Variants in KCNG4 observed in about 807,000 individuals in gnomAD.
The protein encoded by KCNG4 is voltage-gated potassium channel regulatory subunit KCNG4.
KCNG4 carries 30 observed loss-of-function variants against 28.2 expected under a neutral mutation model. That is an observed-to-expected ratio of 1.06 (90% CI 0.80 to 1.44). The LOEUF is 1.44. Ranked by LOEUF, KCNG4 falls within the 40% of genes most tolerant of loss-of-function variation. KCNG4 has a pLI of 0.00. For synonymous variants in KCNG4, 375 were observed against 315.5 expected (o/e 1.19, Z -2.00); for missense variants, 879 against 712.3 (o/e 1.23, Z -2.66).
intron 2 of KCNG4, chr16:84,236,453 G>A: frequency 2.0e-6 from 1 of 495,830 alleles, no homozygotes; most frequent in East Asian, 3.2e-5. Flanking sequence ...CTGTGTCTGT[G>A]TGGCCCACTG....
At position 84,232,144 on chromosome 16, in the gene KCNG4, T is replaced by C. The variant is rs186124405; in HGVS notation, c.756+4586A>G. 1.6e-4 allele frequency among the ~76,000 whole-genome samples: 24 copies of C among 152,276 alleles called. No individual in the cohort carries two copies. In the East Asian group the frequency reaches 4.4e-3, roughly 28 times the overall value. On this transcript the variant is annotated intron_variant, in intron 2 of 2. Coordinates refer to ENST00000308251, the MANE Select transcript of KCNG4 (RefSeq NM_172347.3). ...TTCCTTGGAGGTGGGGGTCGGTCTT[T>C]GGAACGTGTCTTTCTATCTTCAGCT...
rs12917774 is a variant in KCNG4, at chr16:84,226,582, G to A, written c.757-3562C>T. Among the ~76,000 whole-genome samples the A allele has an allele frequency of 0.11, 16,335 of 151,972 alleles. 1,134 individuals are homozygous for A. Among genetic ancestry groups the A allele is most frequent in the African/African-American group, 0.2 (8,184 of 41,422 alleles). On this transcript the variant is annotated intron_variant, in intron 2 of 2. Coordinates refer to ENST00000308251, the MANE Select transcript of KCNG4 (RefSeq NM_172347.3). This position sits in a 1 kb window ranked among gnomAD's most constrained non-coding sequence, Gnocchi z 4.1. Reference sequence around the variant, plus strand: ...GAGGGGATGGAAAGAGAGGAAACAAGAATGGCAGAATATTGGCTGGGCACA... The same window carrying A: ...GAGGGGATGGAAAGAGAGGAAACAAAAATGGCAGAATATTGGCTGGGCACA...
At chr16:84,237,910 G>C (rs1020697682) in intron 1 of KCNG4, among the ~76,000 whole-genome samples, 4 of 152,098 alleles carry the variant, frequency 2.6e-5, no homozygotes, top group African/African-American at 9.7e-5. Flanking sequence ...CAAATGACAA[G>C]ACTCATACTA....
chr16:84,239,684 G>A lies in KCNG4; in HGVS notation c.-55C>T, dbSNP rs1905054777. Reference sequence around the variant, plus strand: ...GTTTAACTCACCTTCTTGTCTCAGGGAGCCAGTTTCCAGCTGTTTCTCTGC... The same window carrying A: ...GTTTAACTCACCTTCTTGTCTCAGGAAGCCAGTTTCCAGCTGTTTCTCTGC... On this transcript the variant is annotated 5_prime_UTR_variant, in exon 1 of 3. Coordinates refer to ENST00000308251, the MANE Select transcript of KCNG4 (RefSeq NM_172347.3). 6.6e-6 allele frequency: 1 copy of A among 152,152 alleles called. No individual in the cohort carries two copies. Among genetic ancestry groups the A allele is most frequent in the Non-Finnish European group, 1.5e-5 (1 of 68,042 alleles). The allele number at this position is 152,152 out of a possible 1,614,324, so 9.4% of individuals were successfully genotyped here. A position where few individuals can be genotyped will look rare whatever the true frequency, so the allele number is the denominator to read the frequency against.
rs775545988 is a variant in KCNG4, at chr16:84,236,776, C to T, written c.710G>A (p.Ser237Asn). The change falls in exon 2 of 3, where the codon AGC (serine) becomes AAC (asparagine). Residue 237 changes from serine (S) to asparagine (N), a missense_variant. Coordinates refer to ENST00000308251, the MANE Select transcript of KCNG4 (RefSeq NM_172347.3). ...GTCGGGCATGGTGCTGACACACAGG[C>T]TGACGGCTGTGGTGGCCACGAAGAG... ...SILFVATTAVSLCVSTMPDLR... is the reference protein window; with the variant it reads ...SILFVATTAVNLCVSTMPDLR... The T allele has an allele frequency of 6.2e-7, 1 of 1,613,742 alleles. No individual in the cohort carries two copies.
rs1291387479 is a variant in KCNG4, at chr16:84,218,820, A to T, written c.*3397T>A. ...GGTGGTGGTGCTTCACCTAATTTTG[A>T]TTTTAAATGTTTCTTTTAGTGCTGG... On this transcript the variant is annotated 3_prime_UTR_variant, in exon 3 of 3. Coordinates refer to ENST00000308251, the MANE Select transcript of KCNG4 (RefSeq NM_172347.3). 6.6e-6 allele frequency: 1 copy of T among 152,154 alleles called. No individual in the cohort carries two copies. Among genetic ancestry groups the T allele is most frequent in the Non-Finnish European group, 1.5e-5 (1 of 68,030 alleles). 9.4% of individuals were successfully genotyped at this position (152,154 alleles called of 1,614,324 possible).
chr16:84,228,666 GCT>G (rs1476340997), intron 2 of KCNG4, among the ~76,000 whole-genome samples: 3 of 152,106 alleles, frequency 2.0e-5, no homozygotes, highest in African/African-American at 7.2e-5. Context: ...GGACACAAGG[GCT>G]CTGAGAGTGC....
At chr16:84,232,188 A>G (rs77695960) in intron 2 of KCNG4, among the ~76,000 whole-genome samples, 7,604 of 152,184 alleles carry the variant, frequency 0.05, 243 homozygotes, top group Non-Finnish European at 0.06. Flanking sequence ...GGAGCAGGCC[A>G]TCAGTGCTAG....
chr16:84,229,260 T>C (rs1489540917), intron 2 of KCNG4, among the ~76,000 whole-genome samples: 2 of 144,760 alleles, frequency 1.4e-5, no homozygotes, highest in African/African-American at 5.2e-5. Context: ...ACCATTGCAC[T>C]CCAGCCTGGG....
In KCNG4 at chr16:84,237,254, C is replaced by T. The variant is rs201553401; in HGVS notation, c.232G>A (p.Asp78Asn). 1 of 1,613,484 alleles carries T rather than the reference C, an allele frequency of 6.2e-7. No homozygotes were observed. Among genetic ancestry groups the T allele is most frequent in the Non-Finnish European group, 8.5e-7 (1 of 1,179,604 alleles). Residue 78 changes from aspartate (D) to asparagine (N), a missense_variant, in exon 2 of 3, where the codon GAC (aspartate) becomes AAC (asparagine). Coordinates refer to ENST00000308251, the MANE Select transcript of KCNG4 (RefSeq NM_172347.3). ...CTCAGGCGGCTCAGCGGGAACCGGT[C>T]CAGTGTGCTCCAGGGGAGGAGATAC... The part of the protein sequence containing the change: ...RRYLLPWSTL[D>N]RFPLSRLSKL...
intron 2 of KCNG4, among the ~76,000 whole-genome samples, chr16:84,224,250 TG>T (rs1200321866): frequency 1.3e-5 from 2 of 152,214 alleles, no homozygotes; most frequent in Admixed American, 1.3e-4. Flanking sequence ...TGGAATCACC[TG>T]GGGGTTCCTT....
In KCNG4 at chr16:84,226,072, C is replaced by A. The variant is rs1331351539; in HGVS notation, c.757-3052G>T. 6.6e-6 allele frequency among the ~76,000 whole-genome samples: 1 copy of A among 152,206 alleles called. No individual in the cohort carries two copies. The highest frequency in any genetic ancestry group is 2.4e-5 in the African/African-American group (1 of 41,446). On this transcript the variant is annotated intron_variant, in intron 2 of 2. Coordinates refer to ENST00000308251, the MANE Select transcript of KCNG4 (RefSeq NM_172347.3). This position sits in a 1 kb window ranked among gnomAD's most constrained non-coding sequence, Gnocchi z 4.1. The stretch of plus-strand genomic sequence containing the variant: ...CCCAGAAAGTTCCGGGTCCTAGGAA[C>A]CCCCTGGGCCCTGGGCACACCGGGA...
At chr16:84,229,511 T>A (rs1472903844) in intron 2 of KCNG4, among the ~76,000 whole-genome samples, 2 of 152,186 alleles carry the variant, frequency 1.3e-5, no homozygotes, top group African/African-American at 4.8e-5. Flanking sequence ...TCACAGCGGT[T>A]CTCCCCGTGT....
At position 84,237,454 on chromosome 16, in the gene KCNG4, T is replaced by C. The variant is rs370660438; in HGVS notation, c.32A>G (p.His11Arg). ...GGAACCATAGTGGTGGTGTCTGGGATGCAGGCCCCCGTCTCTGGAAGGCAT... is the reference window on the plus strand; with the variant it reads ...GGAACCATAGTGGTGGTGTCTGGGACGCAGGCCCCCGTCTCTGGAAGGCAT... The part of the protein sequence containing the change: MPMPSRDGGL[H>R]PRHHHYGSHS... Residue 11 changes from histidine to arginine, a missense_variant, in exon 2 of 3, where the codon CAT becomes CGT. Coordinates refer to ENST00000308251, the MANE Select transcript of KCNG4 (RefSeq NM_172347.3). 1.7e-5 allele frequency: 26 copies of C among 1,502,266 alleles called. No homozygotes were observed. In the South Asian group the frequency reaches 2.0e-4, roughly 11 times the overall value. 93.1% of individuals were successfully genotyped at this position (1,502,266 alleles called of 1,614,324 possible). A position where few individuals can be genotyped will look rare whatever the true frequency, so the allele number is the denominator to read the frequency against.
chr16:84,229,903 C>G (rs1276078839), intron 2 of KCNG4, among the ~76,000 whole-genome samples: 1 of 152,200 alleles, frequency 6.6e-6, no homozygotes, highest in Non-Finnish European at 1.5e-5. Context: ...CAAATGCCAC[C>G]AAGCACAGAG....
Position 84,238,254 on chromosome 16 carries a change from G to A in KCNG4, c.-40-729C>T, listed in dbSNP as rs755717929. Reference sequence around the variant, plus strand: ...GGAGGCTGACGCACGGAAGGTTTGCGTGTCTTGCCTACTGTTTAGCAAGCA... The same window carrying A: ...GGAGGCTGACGCACGGAAGGTTTGCATGTCTTGCCTACTGTTTAGCAAGCA... On this transcript the variant is annotated intron_variant, in intron 1 of 2. Coordinates refer to ENST00000308251, the MANE Select transcript of KCNG4 (RefSeq NM_172347.3). Among the ~76,000 whole-genome samples the A allele has an allele frequency of 2.2e-4, 33 of 152,274 alleles. 1 individual carries two copies. The highest frequency in any genetic ancestry group is 5.2e-4 in the Admixed American group (8 of 15,296).
chr16:84,232,362 A>T (rs1904846773), intron 2 of KCNG4, among the ~76,000 whole-genome samples: 1 of 152,188 alleles, frequency 6.6e-6, no homozygotes, highest in South Asian at 2.1e-4. Context: ...GTTTCTATGA[A>T]ATGTCCAGAA....
chr16:84,236,704 C>G (rs202022936), intron 2 of KCNG4, 26 bp downstream of exon 2: 1 of 1,587,450 alleles, frequency 6.3e-7, no homozygotes. Context: ...GGGATGGAGC[C>G]GTGAATGCCA....
intron 2 of KCNG4, among the ~76,000 whole-genome samples, chr16:84,224,437 C>CAA (rs1271080743): frequency 2.0e-5 from 3 of 152,104 alleles, no homozygotes; most frequent in African/African-American, 7.2e-5. Flanking sequence ...CACACACACA[C>CAA]ACAGATATGT....
Sources: allele counts gnomAD v4.1 joint callset (sites outside exome capture counted in the v4.1 genomes callset), GRCh38; gene constraint gnomAD v4.1.1; non-coding constraint Gnocchi (gnomAD v3.1); transcripts MANE v1.5; gene names NCBI Gene and HGNC (gene_info 2026-07-23, HGNC 2026-07-21).